The following GRID2 variants were observed in gnomAD, a reference collection of about 807,000 sequenced individuals.
The protein encoded by GRID2 is glutamate ionotropic receptor delta type subunit 2, also known as glutamate receptor ionotropic, delta-2.
Under a neutral mutation model 114.8 loss-of-function variants are expected in GRID2, and 33 were observed. The observed-to-expected ratio is 0.29, with a 90% CI of 0.22 to 0.38. The LOEUF is 0.38. GRID2 is among the 10% of genes least tolerant of loss of function. The pLI, the probability that GRID2 is intolerant of heterozygous loss-of-function variation, is 1.00. For synonymous variants in GRID2, 505 were observed against 449.9 expected (o/e 1.12, Z -1.55); for missense variants, 1,184 against 1,257.7 (o/e 0.94, Z 0.89).
intron 1 of GRID2, among the ~76,000 whole-genome samples, chr4:92,510,823 T>C (rs976937634): frequency 1.3e-5 from 2 of 148,712 alleles, no homozygotes; most frequent in Non-Finnish European, 3.0e-5. Flanking sequence ...CATCAAGCCA[T>C]ATCCCATAAA....
At chr4:93,552,868 G>C (rs946205933) in intron 13 of GRID2, among the ~76,000 whole-genome samples, 15 of 139,680 alleles carry the variant, frequency 1.1e-4, no homozygotes, top group African/African-American at 4.0e-4. Flanking sequence ...CCATTTATGA[G>C]TGAGAACATA....
chr4:92,312,253 T>C (rs1725746973), intron 1 of GRID2, among the ~76,000 whole-genome samples: 1 of 152,062 alleles, frequency 6.6e-6, no homozygotes, highest in African/African-American at 2.4e-5. Flanking sequence ...CAGGCCATGG[T>C]AAGGTATTTA....
At chr4:92,442,962 G>A (rs893978613) in intron 1 of GRID2, among the ~76,000 whole-genome samples, 4 of 152,112 alleles carry the variant, frequency 2.6e-5, no homozygotes, top group Non-Finnish European at 4.4e-5. Context: ...ATTATAGGGT[G>A]GAGGAGCGGA....
chr4:93,260,374 G>A (rs1466350737), intron 8 of GRID2, among the ~76,000 whole-genome samples: 1 of 143,358 alleles, frequency 7.0e-6, no homozygotes, highest in Non-Finnish European at 1.5e-5. Flanking sequence ...ATTTTTAAAA[G>A]CCAAGTAAAC....
intron 2 of GRID2, among the ~76,000 whole-genome samples, chr4:92,740,472 G>C (rs1736817464): frequency 6.6e-6 from 1 of 152,158 alleles, no homozygotes; most frequent in African/African-American, 2.4e-5. Context: ...TCAAAACAGA[G>C]AGGGATTATG....
At chr4:92,338,669 A>G (rs1727314400) in intron 1 of GRID2, among the ~76,000 whole-genome samples, 2 of 152,100 alleles carry the variant, frequency 1.3e-5, no homozygotes, top group Admixed American at 6.5e-5. Flanking sequence ...AATTCATAAA[A>G]CTTACGTCTA....
At chr4:92,760,813 G>A (rs1472537206) in intron 2 of GRID2, among the ~76,000 whole-genome samples, 3 of 152,046 alleles carry the variant, frequency 2.0e-5, no homozygotes, top group Non-Finnish European at 4.4e-5. Context: ...GCAATGGCAT[G>A]TTGGGCTTTA....
intron 1 of GRID2, among the ~76,000 whole-genome samples, chr4:92,351,023 C>T (rs1009321700): frequency 6.6e-6 from 1 of 151,720 alleles, no homozygotes; most frequent in South Asian, 2.1e-4. Flanking sequence ...TTTTTTATGG[C>T]CAAATAATAA....
chr4:92,472,088 T>C lies in GRID2; in HGVS notation c.89-118043T>C, dbSNP rs1190033577. Among the ~76,000 whole-genome samples the C allele has an allele frequency of 1.7e-5, 2 of 116,106 alleles. 1 individual carries two copies. The allele number at this position is 116,106 out of a possible 152,430, so 76.2% of individuals were successfully genotyped here. A position where few individuals can be genotyped will look rare whatever the true frequency, so the allele number is the denominator to read the frequency against. On this transcript the variant is annotated intron_variant, in intron 1 of 15. Transcript: ENST00000282020. ...AGCTGGGACTACAGGCGCCCGCCAC[T>C]ACGCCCAGCTAATTTTTTGTATTTT... is the stretch of plus-strand genomic sequence containing the variant.
At chr4:93,753,854 C>T (rs1269894319) in intron 14 of GRID2, among the ~76,000 whole-genome samples, 1 of 152,268 alleles carries the variant, frequency 6.6e-6, no homozygotes, top group South Asian at 2.1e-4. Context: ...ACTCACTGAG[C>T]TGTAATTTAG....
rs1266718054 is a variant in GRID2 at position 92,954,593 on chromosome 4, A to AT, written c.245-130391dup. On this transcript the variant is annotated intron_variant, in intron 2 of 15. Transcript: ENST00000282020. ...AGGTGCCAGCCACCATGCCCGGCTA[A>AT]TTTTTTTTTTTAATTTTCTTTTTTT... Among the ~76,000 whole-genome samples the AT allele has an allele frequency of 4.0e-4, 59 of 146,200 alleles. 1 individual carries two copies. The highest frequency in any genetic ancestry group is 3.1e-3 in the South Asian group (14 of 4,538).
At chr4:93,621,003 TACTTG>T (rs1352580298) in intron 13 of GRID2, among the ~76,000 whole-genome samples, 3 of 152,208 alleles carry the variant, frequency 2.0e-5, no homozygotes, top group African/African-American at 7.2e-5. Flanking sequence ...AACAATTTTG[TACTTG>T]ACTTATCTCC....
chr4:93,796,199 C>A (rs182228045), intron 1 of GRID2, among the ~76,000 whole-genome samples: 2 of 152,192 alleles, frequency 1.3e-5, no homozygotes, highest in Admixed American at 1.3e-4. Context: ...TTAGGTCAGA[C>A]CCACCACCAT....
At chr4:92,504,089 G>A (rs772030737) in intron 1 of GRID2, among the ~76,000 whole-genome samples, 7 of 152,092 alleles carry the variant, frequency 4.6e-5, no homozygotes, top group Non-Finnish European at 1.0e-4. Flanking sequence ...TGACTTCATA[G>A]AAAAGAAAAA....
chr4:93,380,319 C>A (rs887220523), intron 8 of GRID2, among the ~76,000 whole-genome samples: 1 of 151,856 alleles, frequency 6.6e-6, no homozygotes, highest in African/African-American at 2.4e-5. Context: ...CTGGAAAAGA[C>A]AATGAAAGAT....
At chr4:92,614,768 AT>A (rs1729927077) in intron 2 of GRID2, among the ~76,000 whole-genome samples, 1 of 151,626 alleles carries the variant, frequency 6.6e-6, no homozygotes, top group Admixed American at 6.6e-5. Context: ...TTTCTTACCT[AT>A]TAATAACTGA....
At chr4:93,456,747 A>T (rs866104673) in intron 11 of GRID2, among the ~76,000 whole-genome samples, 49 of 152,332 alleles carry the variant, frequency 3.2e-4, no homozygotes, top group African/African-American at 1.1e-3. Context: ...TGGAGACATT[A>T]TACTTTTGTG....
chr4:93,277,115 T>C (rs1487699525), intron 8 of GRID2, among the ~76,000 whole-genome samples: 2 of 152,070 alleles, frequency 1.3e-5, no homozygotes, highest in Non-Finnish European at 2.9e-5. Flanking sequence ...TACAAACTAG[T>C]AAGTTATCTA....
chr4:92,890,985 C>A (rs1233662555), intron 2 of GRID2, among the ~76,000 whole-genome samples: 1 of 152,110 alleles, frequency 6.6e-6, no homozygotes, highest in Non-Finnish European at 1.5e-5. Flanking sequence ...AAGCTGGAAA[C>A]CATCATTCTC....
Sources: allele counts gnomAD v4.1 joint callset (sites outside exome capture counted in the v4.1 genomes callset), GRCh38; gene constraint gnomAD v4.1.1; transcripts MANE v1.5; gene names NCBI Gene and HGNC (gene_info 2026-07-23, HGNC 2026-07-21).